Variants in NRAP observed in about 807,000 individuals in gnomAD.
NRAP encodes the protein nebulin-related-anchoring protein.
In NRAP, 189 loss-of-function variants were observed where a neutral mutation model predicts 225.9. The ratio of observed to expected loss-of-function variants is 0.84; its 90% CI spans 0.74 to 0.94. NRAP has a LOEUF of 0.94. NRAP is among the 40% of genes least tolerant of loss of function. The pLI is 0.00. For synonymous variants in NRAP, 769 were observed against 790.7 expected (o/e 0.97, Z 0.46); for missense variants, 2,176 against 2,168.7 (o/e 1.00, Z -0.07).
chr10:113,647,155 A>G, intron 9 of NRAP, 128 bp from the exon 10 acceptor site: 2 of 678,276 alleles, frequency 2.9e-6, no homozygotes, highest in Admixed American at 2.2e-5. Flanking sequence ...ACTGATGTCC[A>G]TGTGGTAGTT....
Position 113,662,723 on chromosome 10 carries a change from G to T in NRAP, c.211C>A (p.Pro71Thr). Residue 71 changes from proline to threonine, a missense_variant, in exon 3 of 42, where the codon CCA (proline) becomes ACA (threonine). This residue lies in a region of NRAP where 1,708 missense variants were observed against 1,695.5 expected (regional missense o/e 1.01). Transcript: ENST00000359988. ...AATGTCCTCACATTTAGATTTAATG[G>T]AGTGTGATAGACACTGGTGAAAGTG... Reference protein sequence around the residue: ...NNTFTSVYHTPLNLNVRTFPE... With the variant: ...NNTFTSVYHTTLNLNVRTFPE... The T allele has an allele frequency of 6.2e-7, 1 of 1,601,642 alleles. No individual in the cohort carries two copies.
rs533626220 is a variant in NRAP, at chr10:113,589,682, C to A, written c.5072G>T (p.Gly1691Val). 1.9e-5 allele frequency: 31 copies of A among 1,614,098 alleles called. No individual in the cohort carries two copies. The South Asian group carries it at 2.5e-4, about 13-fold the overall frequency. ...AAELANARGL[G>V]LQGAYRGAEA... is the part of the protein sequence containing the mutation. ...GCTACTCACGTAAGCTCCCTGGAGA[C>A]CCAGGCCCCTTGCGTTGGCCAGTTC... The change falls in exon 41 of 42, where the codon GGT (glycine) becomes GTT (valine). Residue 1691 changes from glycine (G) to valine (V), a missense_variant. Transcript: ENST00000359988.
intron 4 of NRAP, among the ~76,000 whole-genome samples, chr10:113,654,837 A>C (rs1592872670): frequency 6.6e-6 from 1 of 152,204 alleles, no homozygotes; most frequent in Non-Finnish European, 1.5e-5. Flanking sequence ...AACGCATCCC[A>C]AAAGCTTGGA....
chr10:113,660,608 G>C (rs1465154283), intron 3 of NRAP, among the ~76,000 whole-genome samples: 1 of 152,188 alleles, frequency 6.6e-6, no homozygotes, highest in Non-Finnish European at 1.5e-5. Flanking sequence ...TTATAAGGTG[G>C]AGACATGCCT....
chr10:113,597,272 C>G, intron 36 of NRAP, 88 bp from the exon 37 acceptor site: 1 of 799,010 alleles, frequency 1.3e-6, no homozygotes, highest in Non-Finnish European at 2.2e-6. Flanking sequence ...TTCTCAGTAC[C>G]TAACATGCCA....
rs751459116 is a variant in NRAP at position 113,624,926 on chromosome 10, G to C, written c.2249C>G (p.Ala750Gly). The change falls in exon 22 of 42, where the codon GCC becomes GGC. Residue 750 changes from alanine (A) to glycine (G), a missense_variant. Transcript: ENST00000359988. ...AGACTGCTCATTTCCTGCCTTGTAG[G>C]CCACCTGTTGGGAAAGAGCACTGAG... is the stretch of plus-strand genomic sequence containing the variant. ...KKSQELQSGV[A>G]YKAGNEQSVH... 6.2e-7 allele frequency: 1 copy of C among 1,610,854 alleles called. No homozygotes were observed. The highest frequency in any genetic ancestry group is 8.5e-7 in the Non-Finnish European group (1 of 1,177,176).
At chr10:113,655,537 C>A (rs759009451) in intron 4 of NRAP, among the ~76,000 whole-genome samples, 2 of 151,660 alleles carry the variant, frequency 1.3e-5, no homozygotes. Context: ...CTCACTGCAA[C>A]CTCCGCCTCC....
chr10:113,637,337 G>A (rs1386275385), intron 14 of NRAP, among the ~76,000 whole-genome samples: 2 of 152,212 alleles, frequency 1.3e-5, no homozygotes, highest in Admixed American at 6.5e-5. Context: ...AGGTCATCCA[G>A]GCAGTAAGTA....
In NRAP at chr10:113,657,389, G is replaced by T. The variant is rs74157518; in HGVS notation, c.360+81C>A. On this transcript the variant is annotated intron_variant, in intron 4 of 41. Transcript: ENST00000359988. ...AAGGAAACCTACTTGGTTTTCTCTA[G>T]AAGTAATAATAATAATACACTCAAT... is the stretch of plus-strand genomic sequence containing the variant. 11 of 776,546 alleles carry T rather than the reference G, an allele frequency of 1.4e-5. No homozygotes were observed. The South Asian group carries it at 1.7e-4, about 12-fold the overall frequency. 48.1% of individuals were successfully genotyped at this position (776,546 alleles called of 1,614,324 possible). A position where few individuals can be genotyped will look rare whatever the true frequency, so the allele number is the denominator to read the frequency against.
Position 113,620,675 on chromosome 10 carries a change from C to T in NRAP, c.2803G>A (p.Gly935Ser), listed in dbSNP as rs1345958270. ...GACCCGGTGGCGACCCAGCCCATGC[C>T]TTTCATCCACTTCACATCTGCCCTG... Reference protein sequence around the residue: ...QYRADVKWMKGMGWVATGSLN... With the variant: ...QYRADVKWMKSMGWVATGSLN... Residue 935 changes from glycine to serine, a missense_variant, in exon 25 of 42, where the codon GGC (glycine) becomes AGC (serine). By Grantham distance (56) the Gly-to-Ser change is moderately conservative. Transcript: ENST00000359988. 3 of 1,613,136 alleles carry T rather than the reference C, an allele frequency of 1.9e-6. No individual in the cohort carries two copies. Among genetic ancestry groups the T allele is most frequent in the South Asian group, 1.1e-5 (1 of 91,048 alleles).
chr10:113,642,232 G>C (rs1338350073), intron 12 of NRAP, among the ~76,000 whole-genome samples: 1 of 152,194 alleles, frequency 6.6e-6, no homozygotes, highest in Non-Finnish European at 1.5e-5. Context: ...GAGTTGGGCA[G>C]AGTGGCTCAG....
At chr10:113,602,685 C>G (rs988922050) in intron 35 of NRAP, among the ~76,000 whole-genome samples, 3 of 152,182 alleles carry the variant, frequency 2.0e-5, no homozygotes, top group Non-Finnish European at 4.4e-5. Flanking sequence ...TTGTTGCTAT[C>G]GACAATTAAT....
chr10:113,609,114 C>T (rs565697672), intron 31 of NRAP, among the ~76,000 whole-genome samples: 34 of 152,168 alleles, frequency 2.2e-4, no homozygotes, highest in Middle Eastern at 6.8e-3. Flanking sequence ...GGGCTGAGAT[C>T]GCACCATTGC....
At chr10:113,651,520 T>G (rs559053491) in intron 7 of NRAP, among the ~76,000 whole-genome samples, 53 of 152,174 alleles carry the variant, frequency 3.5e-4, no homozygotes, top group Non-Finnish European at 2.4e-4. Context: ...GGCCCCAGTG[T>G]GTGTTGTTCC....
chr10:113,615,474 C>G (rs1847596969), intron 27 of NRAP, among the ~76,000 whole-genome samples: 2 of 152,154 alleles, frequency 1.3e-5, no homozygotes, highest in African/African-American at 4.8e-5. Flanking sequence ...CAGAGAATGT[C>G]CCCAGATCAT....
At chr10:113,663,785 A>T (rs374171285) in intron 1 of NRAP, 26 bp downstream of exon 1, 45 of 1,573,264 alleles carry the variant, frequency 2.9e-5, no homozygotes, top group Non-Finnish European at 3.9e-5. Context: ...GTTATTATTC[A>T]CAAAAGCCAA....
intron 9 of NRAP, among the ~76,000 whole-genome samples, chr10:113,648,587 A>C (rs1232796419): frequency 6.6e-6 from 1 of 151,630 alleles, no homozygotes; most frequent in Non-Finnish European, 1.5e-5. Flanking sequence ...AAGAAGAATG[A>C]ATTGGTTGGC....
intron 38 of NRAP, among the ~76,000 whole-genome samples, chr10:113,592,954 C>T (rs772296386): frequency 7.2e-5 from 11 of 152,178 alleles, no homozygotes; most frequent in Admixed American, 2.0e-4. Context: ...TGTTCTCACA[C>T]GCCCTCTGGG....
rs1417878703 is a variant in NRAP at position 113,663,837 on chromosome 10, C to T, written c.46G>A (p.Ala16Thr). 13 of 1,613,686 alleles carry T rather than the reference C, an allele frequency of 8.1e-6. No individual in the cohort carries two copies. The highest frequency in any genetic ancestry group is 1.0e-5 in the Non-Finnish European group (12 of 1,179,748). Residue 16 changes from alanine to threonine, a missense_variant, in exon 1 of 42, where the codon GCC becomes ACC. Physicochemically the swap from Ala to Thr is moderately conservative, Grantham distance 58. This residue lies in a region of NRAP where 1,708 missense variants were observed against 1,695.5 expected (regional missense o/e 1.01). Coordinates refer to ENST00000359988, the MANE Select transcript of NRAP (RefSeq NM_198060.4). ...TGATCTATACAGCTGATCTTCTCGGCAGGATAAACCCCATACCCACACCTA... is the reference window on the plus strand; with the variant it reads ...TGATCTATACAGCTGATCTTCTCGGTAGGATAAACCCCATACCCACACCTA... ...CSRCGYGVYPAEKISCIDQIW... is the reference protein window; with the variant it reads ...CSRCGYGVYPTEKISCIDQIW...
Sources: allele counts gnomAD v4.1 joint callset (sites outside exome capture counted in the v4.1 genomes callset), GRCh38; gene constraint gnomAD v4.1.1; regional missense constraint gnomAD v4.1.1; transcripts MANE v1.5; gene names NCBI Gene and HGNC (gene_info 2026-07-23, HGNC 2026-07-21).